FBRSL1: variants seen among roughly 807,000 people sequenced by gnomAD.
The protein encoded by FBRSL1 is fibrosin-1-like protein.
A neutral mutation model predicts 89.6 loss-of-function variants in FBRSL1; 51 were observed. That is an observed-to-expected ratio of 0.57 (90% CI 0.45 to 0.72). FBRSL1 has a LOEUF of 0.72. Ranked by LOEUF, FBRSL1 falls within the 30% of genes least tolerant of loss-of-function variation. The pLI, the probability that FBRSL1 is intolerant of heterozygous loss-of-function variation, is 0.00. For synonymous variants in FBRSL1, 779 were observed against 681.1 expected (o/e 1.14, Z -2.24); for missense variants, 1,618 against 1,451.8 (o/e 1.11, Z -1.86).
At chr12:132,512,637 G>A (rs1455799966) in intron 2 of FBRSL1, among the ~76,000 whole-genome samples, 3 of 152,258 alleles carry the variant, frequency 2.0e-5, no homozygotes, top group Admixed American at 2.0e-4. Context: ...CTACCCCCGG[G>A]CTCCTGTGAG....
intron 2 of FBRSL1, chr12:132,509,732 G>A (rs530374120): frequency 7.6e-5 from 93 of 1,231,244 alleles, no homozygotes; most frequent in East Asian, 2.5e-4. Flanking sequence ...CCCTGCGGCC[G>A]TGGGCCAGCC....
At chr12:132,541,264 C>T (rs1056400741) in intron 4 of FBRSL1, among the ~76,000 whole-genome samples, 3 of 152,164 alleles carry the variant, frequency 2.0e-5, no homozygotes, top group Non-Finnish European at 4.4e-5. Flanking sequence ...CCCTGAGGCA[C>T]GTCAGGTGCA....
At chr12:132,535,944 CATG>C (rs138767083) in intron 4 of FBRSL1, among the ~76,000 whole-genome samples, 13,409 of 139,158 alleles carry the variant, frequency 0.096, 882 homozygotes, top group Middle Eastern at 0.17. Context: ...CACATGTGTC[CATG>C]ATGGTGTGTG....
At position 132,570,013 on chromosome 12, in the gene FBRSL1, G is replaced by A; in HGVS notation, c.779G>A (p.Ser260Asn). ...LERSRELSAE[S>N]FLPTASPAPH... is the part of the protein sequence containing the mutation. ...CGCAGCCGCGAGCTCAGCGCCGAGA[G>A]CTTCCTGCCCACTGCCAGCCCCGCG... The change falls in exon 7 of 19, where the codon AGC becomes AAC. Residue 260 changes from serine (S) to asparagine (N), a missense_variant. Transcript: ENST00000680143. The A allele has an allele frequency of 2.0e-6, 3 of 1,512,568 alleles. No homozygotes were observed. Among genetic ancestry groups the A allele is most frequent in the Non-Finnish European group, 2.6e-6 (3 of 1,137,156 alleles). 93.7% of individuals were successfully genotyped at this position (1,512,568 alleles called of 1,614,324 possible). A position where few individuals can be genotyped will look rare whatever the true frequency, so the allele number is the denominator to read the frequency against.
At chr12:132,582,024 A>G (rs1356354777) in intron 17 of FBRSL1, 38 bp from the exon 18 acceptor site, 13 of 1,489,656 alleles carry the variant, frequency 8.7e-6, no homozygotes, top group Non-Finnish European at 1.2e-5. Context: ...TGGGGAGCAG[A>G]CAGACCCAAC....
At chr12:132,496,367 T>G (rs561436950) in intron 1 of FBRSL1, among the ~76,000 whole-genome samples, 40 of 152,324 alleles carry the variant, frequency 2.6e-4, no homozygotes, top group African/African-American at 9.4e-4. Context: ...GCTGGCAGTT[T>G]TAAGGCTCCT....
intron 4 of FBRSL1, among the ~76,000 whole-genome samples, chr12:132,529,408 G>GGACC (rs2036069954): frequency 1.3e-5 from 2 of 152,184 alleles, no homozygotes; most frequent in Non-Finnish European, 2.9e-5. Flanking sequence ...AGCCTCATGG[G>GGACC]CAGGAATTGG....
chr12:132,496,640 C>T (rs1022936689), intron 1 of FBRSL1, among the ~76,000 whole-genome samples: 4 of 152,228 alleles, frequency 2.6e-5, no homozygotes, highest in African/African-American at 4.8e-5. Context: ...CCTGCGGCTG[C>T]GCTGGATTTG....
chr12:132,578,883 C>G (rs974249781), intron 15 of FBRSL1, among the ~76,000 whole-genome samples: 5 of 152,278 alleles, frequency 3.3e-5, no homozygotes, highest in African/African-American at 2.4e-5. Flanking sequence ...ATGGTGGCCT[C>G]TGGGCCATGG....
rs917265088 is a variant in FBRSL1, at chr12:132,570,255, G to A, written c.1007+14G>A. On this transcript the variant is annotated intron_variant, in intron 7 of 18. Coordinates refer to ENST00000680143, the MANE Select transcript of FBRSL1 (RefSeq NM_001367871.1). ...GCACGGCCTCAGGTGGGGTCCCCGC[G>A]GGGGACGGGGCCTGTGTGGTCTCAG... is the stretch of plus-strand genomic sequence containing the variant. 32 of 1,491,614 alleles carry A rather than the reference G, an allele frequency of 2.1e-5. No individual in the cohort carries two copies. Among genetic ancestry groups the A allele is most frequent in the African/African-American group, 1.3e-4 (9 of 69,306 alleles). The allele number at this position is 1,491,614 out of a possible 1,614,324, so 92.4% of individuals were successfully genotyped here.
In FBRSL1 at chr12:132,583,672, C is replaced by G. The variant is rs995747624; in HGVS notation, c.2903C>G (p.Pro968Arg). 9.0e-7 allele frequency: 1 copy of G among 1,112,740 alleles called. No homozygotes were observed. Among genetic ancestry groups the G allele is most frequent in the African/African-American group, 1.7e-5 (1 of 59,924 alleles). 68.9% of individuals were successfully genotyped at this position (1,112,740 alleles called of 1,614,324 possible). ...GTGACGGCGGCCGGGCCCCCCACGC[C>G]CCCCGGGCCGCCGCGGAGCCGGACT... is the stretch of plus-strand genomic sequence containing the variant. ...PLVTAAGPPTPPGPPRSRTTP... is the reference protein window; with the variant it reads ...PLVTAAGPPTRPGPPRSRTTP... The change falls in exon 19 of 19, where the codon CCC becomes CGC. Residue 968 changes from proline (P) to arginine (R), a missense_variant. Transcript: ENST00000680143.
intron 13 of FBRSL1, 70 bp downstream of exon 13, chr12:132,574,418 C>T (rs893421015): frequency 8.4e-6 from 13 of 1,548,132 alleles, no homozygotes; most frequent in African/African-American, 1.4e-5. Flanking sequence ...TCGGGGGGCC[C>T]GTGACAGCAG....
In FBRSL1 at chr12:132,576,800, A is replaced by C. The variant is rs1218766612; in HGVS notation, c.1703A>C (p.Glu568Ala). 24 of 1,550,398 alleles carry C rather than the reference A, an allele frequency of 1.5e-5. No homozygotes were observed. Among genetic ancestry groups the C allele is most frequent in the Non-Finnish European group, 1.8e-5 (21 of 1,146,708 alleles). ...QIYRHQQKIKEMQLDPHKLEV... is the reference protein window; with the variant it reads ...QIYRHQQKIKAMQLDPHKLEV... Reference sequence around the variant, plus strand: ...CCCTCACCCGTTCTATCCTCCCAGGAGATGCAGCTGGACCCCCACAAGCTG... The same window carrying C: ...CCCTCACCCGTTCTATCCTCCCAGGCGATGCAGCTGGACCCCCACAAGCTG... The change falls in exon 15 of 19, where the codon GAG (glutamate) becomes GCG (alanine). Residue 568 changes from glutamate to alanine, a missense_variant and splice_region_variant. By Grantham distance (107) the Glu-to-Ala change is moderately radical (BLOSUM62 -1). Transcript: ENST00000680143.
chr12:132,575,875 C>G lies in FBRSL1; in HGVS notation c.1702-924C>G, dbSNP rs956937750. Among the ~76,000 whole-genome samples the G allele has an allele frequency of 3.3e-5, 5 of 152,368 alleles. No individual in the cohort carries two copies. The East Asian group carries it at 7.7e-4, about 24-fold the overall frequency. The stretch of plus-strand genomic sequence containing the variant: ...GGCCCAGGCCAGCCTGAGTGCGGGT[C>G]AGAGGCAGGACAGGCAGAGGCAGCG... On this transcript the variant is annotated intron_variant, in intron 14 of 18. Transcript: ENST00000680143.
chr12:132,583,524 G>T lies in FBRSL1; in HGVS notation c.2755G>T (p.Gly919Cys), dbSNP rs1254476737. Residue 919 changes from glycine to cysteine, a missense_variant, in exon 19 of 19, where the codon GGC (glycine) becomes TGC (cysteine). Gly to Cys is a radical substitution (Grantham distance 159). Coordinates refer to ENST00000680143, the MANE Select transcript of FBRSL1 (RefSeq NM_001367871.1). ...GCCGCCCGCCGCCCCCGCCTTGGACGGCGCGCTGCTGCCCTCGCTGGGAGC... is the reference window on the plus strand; with the variant it reads ...GCCGCCCGCCGCCCCCGCCTTGGACTGCGCGCTGCTGCCCTCGCTGGGAGC... ...HLPPAAPALD[G>C]ALLPSLGALH... The T allele has an allele frequency of 3.8e-6, 4 of 1,044,018 alleles. 1 individual carries two copies. In the South Asian group the frequency reaches 9.0e-5, roughly 23 times the overall value. The allele number at this position is 1,044,018 out of a possible 1,614,324, so 64.7% of individuals were successfully genotyped here. A position where few individuals can be genotyped will look rare whatever the true frequency, so the allele number is the denominator to read the frequency against.
Position 132,571,486 on chromosome 12 carries a change from G to A in FBRSL1, c.1377+255G>A, listed in dbSNP as rs1192957610. On this transcript the variant is annotated intron_variant, in intron 9 of 18. Coordinates refer to ENST00000680143, the MANE Select transcript of FBRSL1 (RefSeq NM_001367871.1). ...CCAACACACATTCGCCCCCTTCCCC[G>A]CAGGGCTGCCCCCGACGCCGCCCGC... 3.7e-5 allele frequency: 58 copies of A among 1,546,912 alleles called. No homozygotes were observed. The highest frequency in any genetic ancestry group is 7.4e-5 in the East Asian group (3 of 40,726).
intron 18 of FBRSL1, 114 bp downstream of exon 18, chr12:132,582,380 C>T (rs1197733078): frequency 6.3e-6 from 5 of 796,780 alleles, no homozygotes; most frequent in African/African-American, 1.7e-5. Flanking sequence ...GTTTCCTCTC[C>T]CTCACCGTTC....
At chr12:132,495,559 C>T (rs2031873878) in intron 1 of FBRSL1, among the ~76,000 whole-genome samples, 1 of 152,198 alleles carries the variant, frequency 6.6e-6, no homozygotes, top group African/African-American at 2.4e-5. Context: ...TCCTGGTCTC[C>T]AGGTGGGGAA....
chr12:132,543,958 G>C (rs867611142), intron 4 of FBRSL1, among the ~76,000 whole-genome samples: 1 of 152,144 alleles, frequency 6.6e-6, no homozygotes, highest in Non-Finnish European at 1.5e-5. Flanking sequence ...CCTCTGACTC[G>C]TGCCGCTGAG....
Sources: gnomAD v4.1 joint callset for allele counts (sites outside exome capture counted in the v4.1 genomes callset) on GRCh38, gnomAD v4.1.1 for gene constraint, MANE v1.5 for transcripts, NCBI Gene and HGNC (gene_info 2026-07-23, HGNC 2026-07-21) for gene names.